The following PDE4D variants were observed in gnomAD, a reference collection of about 807,000 sequenced individuals.
PDE4D encodes phosphodiesterase 4D, also known as 3',5'-cyclic-AMP phosphodiesterase 4D.
PDE4D carries 24 observed loss-of-function variants against 87.4 expected under a neutral mutation model. The observed-to-expected ratio is 0.27, with a 90% CI of 0.20 to 0.39. PDE4D has a LOEUF of 0.39. Among genes scored for constraint, PDE4D ranks in the 10% least tolerant of loss-of-function variants. The pLI is 1.00. For synonymous variants in PDE4D, 384 were observed against 383.2 expected, an observed-to-expected ratio of 1.00 and a Z score of -0.02; for missense variants, 714 against 1,041.0, an observed-to-expected ratio of 0.69 and a Z score of 4.32.
chr5:59,526,750 A>G (rs66741919), intron 1 of PDE4D, among the ~76,000 whole-genome samples: 35,966 of 151,940 alleles, frequency 0.24, 5,574 homozygotes, highest in African/African-American at 0.45. Flanking sequence ...CAGCCACCCT[A>G]GTAGCTAGGA....
At chr5:60,336,166 G>C (rs1389275359) in intron 1 of PDE4D, among the ~76,000 whole-genome samples, 1 of 152,178 alleles carries the variant, frequency 6.6e-6, no homozygotes, top group Non-Finnish European at 1.5e-5. Flanking sequence ...ACTTATGGTA[G>C]TATAAACAGT....
At chr5:59,809,445 C>T (rs928445935) in intron 1 of PDE4D, among the ~76,000 whole-genome samples, 2 of 151,998 alleles carry the variant, frequency 1.3e-5, no homozygotes, top group Non-Finnish European at 2.9e-5. Context: ...TACAAATTTC[C>T]CAATAAAGAA....
At chr5:59,586,640 A>T in intron 1 of PDE4D, 2 of 1,195,352 alleles carry the variant, frequency 1.7e-6, no homozygotes, top group Non-Finnish European at 2.1e-6. Context: ...CTAGTTAGTC[A>T]ACATACTAAA....
intron 1 of PDE4D, among the ~76,000 whole-genome samples, chr5:59,550,573 T>C (rs1239669263): frequency 6.6e-6 from 1 of 152,202 alleles, no homozygotes; most frequent in Non-Finnish European, 1.5e-5. Flanking sequence ...AAATGTTAGT[T>C]CACTATTGTT....
intron 2 of PDE4D, among the ~76,000 whole-genome samples, chr5:60,141,473 C>T (rs1780531001): frequency 6.6e-6 from 1 of 152,174 alleles, no homozygotes; most frequent in African/African-American, 2.4e-5. Flanking sequence ...GAAATCCACA[C>T]TTGGCTCTTG....
chr5:60,052,760 C>A (rs1770330025), intron 2 of PDE4D, among the ~76,000 whole-genome samples: 1 of 152,152 alleles, frequency 6.6e-6, no homozygotes, highest in Non-Finnish European at 1.5e-5. Flanking sequence ...TCTCTGTTTG[C>A]AGATGACATG....
At chr5:60,478,394 G>A (rs1264700336) in intron 1 of PDE4D, among the ~76,000 whole-genome samples, 2 of 152,066 alleles carry the variant, frequency 1.3e-5, no homozygotes, top group Non-Finnish European at 2.9e-5. Context: ...AAAACAAAAT[G>A]GAGCCACGTA....
intron 1 of PDE4D, among the ~76,000 whole-genome samples, chr5:59,291,549 TA>T (rs1768007383): frequency 6.6e-6 from 1 of 151,962 alleles, no homozygotes; most frequent in African/African-American, 2.4e-5. Context: ...CAATTTATTG[TA>T]TGTTTTTTAA....
At chr5:59,610,371 A>C (rs1400986571) in intron 1 of PDE4D, among the ~76,000 whole-genome samples, 2 of 152,180 alleles carry the variant, frequency 1.3e-5, no homozygotes, top group Non-Finnish European at 2.9e-5. Flanking sequence ...CTATTACTTC[A>C]TTACTAATTA....
intron 3 of PDE4D, among the ~76,000 whole-genome samples, chr5:59,964,401 G>A (rs1177302066): frequency 1.3e-5 from 2 of 152,136 alleles, no homozygotes; most frequent in Non-Finnish European, 2.9e-5. Context: ...TTGTTGATCT[G>A]CTTCTTCACT....
chr5:59,675,049 G>A (rs1027910314), intron 1 of PDE4D, among the ~76,000 whole-genome samples: 2 of 152,030 alleles, frequency 1.3e-5, no homozygotes, highest in African/African-American at 2.4e-5. Flanking sequence ...TTCACTATAC[G>A]GTGTAATGAG....
rs35100447 is a variant in PDE4D at position 60,003,707 on chromosome 5, TAA to T, written c.43-14992_43-14991del. 1.2e-3 allele frequency among the ~76,000 whole-genome samples: 129 copies of T among 104,268 alleles called. 1 individual carries two copies. The Middle Eastern group carries it at 0.049, about 40-fold the overall frequency. 68.4% of individuals were successfully genotyped at this position (104,268 alleles called of 152,430 possible). A position where few individuals can be genotyped will look rare whatever the true frequency, so the allele number is the denominator to read the frequency against. ...CTGGGCAACAGAGCGAGACTCCATCTAAAAAAAAAAAAAAAAAAAAGAAGAAG... is the reference window on the plus strand; with the variant it reads ...CTGGGCAACAGAGCGAGACTCCATCTAAAAAAAAAAAAAAAAAAGAAGAAG... On this transcript the variant is annotated intron_variant, in intron 2 of 16. Coordinates refer to the PDE4D transcript ENST00000502484.
intron 1 of PDE4D, among the ~76,000 whole-genome samples, chr5:59,674,092 C>G (rs930378531): frequency 6.6e-6 from 1 of 152,034 alleles, no homozygotes; most frequent in African/African-American, 2.4e-5. Context: ...TTTAAAAACA[C>G]AGAGGAAAAA....
chr5:60,358,070 T>C (rs1248766769), intron 1 of PDE4D, among the ~76,000 whole-genome samples: 1 of 152,192 alleles, frequency 6.6e-6, no homozygotes, highest in Non-Finnish European at 1.5e-5. Context: ...GTTTAGTAAC[T>C]ATCAAGGTAA....
At chr5:60,105,263 T>C (rs968671605) in intron 2 of PDE4D, among the ~76,000 whole-genome samples, 2 of 151,818 alleles carry the variant, frequency 1.3e-5, no homozygotes, top group Non-Finnish European at 2.9e-5. Context: ...AGGGTATCAG[T>C]GATGGAAGAT....
chr5:59,611,028 T>A (rs1218089048), intron 1 of PDE4D, among the ~76,000 whole-genome samples: 1 of 152,166 alleles, frequency 6.6e-6, no homozygotes, highest in African/African-American at 2.4e-5. Context: ...AAATACATCA[T>A]GGATTCGTAC....
chr5:59,492,140 G>A (rs1035526716), intron 1 of PDE4D, among the ~76,000 whole-genome samples: 3 of 152,050 alleles, frequency 2.0e-5, no homozygotes, highest in Admixed American at 6.6e-5. Flanking sequence ...TCTGGCTTAC[G>A]GCATGTTGCA....
At chr5:59,584,049 G>A (rs1286289685) in intron 1 of PDE4D, among the ~76,000 whole-genome samples, 1 of 152,230 alleles carries the variant, frequency 6.6e-6, no homozygotes, top group Non-Finnish European at 1.5e-5. Flanking sequence ...TGAGAATGAG[G>A]ATAGGGGGAG....
At chr5:58,997,650 T>A (rs1172767845) in intron 6 of PDE4D, among the ~76,000 whole-genome samples, 1 of 131,772 alleles carries the variant, frequency 7.6e-6, no homozygotes, top group South Asian at 2.5e-4. Flanking sequence ...CTGAAAACAA[T>A]ACACAGATTT....
Sources: allele counts gnomAD v4.1 joint callset (sites outside exome capture counted in the v4.1 genomes callset), GRCh38; gene constraint gnomAD v4.1.1; transcripts MANE v1.5; gene names NCBI Gene and HGNC (gene_info 2026-07-23, HGNC 2026-07-21).